MANBA: variants seen among roughly 807,000 people sequenced by gnomAD.
MANBA encodes mannosidase beta.
A neutral mutation model predicts 111.1 loss-of-function variants in MANBA; 83 were observed. That is an observed-to-expected ratio of 0.75 (90% CI 0.63 to 0.90). MANBA has a LOEUF of 0.90. MANBA is among the 40% of genes least tolerant of loss of function. The probability of loss-of-function intolerance (pLI) is 0.00; values close to 1 mark genes in which losing one functional copy is unlikely to be tolerated. For missense variants in MANBA, 1,036 were observed against 1,069.0 expected (o/e 0.97, Z 0.43); for synonymous variants, 370 against 378.7 (o/e 0.98, Z 0.27).
intron 7 of MANBA, among the ~76,000 whole-genome samples, chr4:102,674,933 G>T (rs1187164957): frequency 1.3e-5 from 2 of 152,170 alleles, no homozygotes; most frequent in Non-Finnish European, 2.9e-5. Context: ...TGTAATAAAA[G>T]TGTCCACCAT....
intron 7 of MANBA, among the ~76,000 whole-genome samples, chr4:102,685,105 T>C (rs1022531206): frequency 6.6e-6 from 1 of 152,074 alleles, no homozygotes; most frequent in Non-Finnish European, 1.5e-5. Flanking sequence ...GATGTCAGGA[T>C]AGTGGATCTT....
chr4:102,686,148 G>A (rs770853607), intron 7 of MANBA, among the ~76,000 whole-genome samples: 7 of 152,114 alleles, frequency 4.6e-5, no homozygotes, highest in East Asian at 3.9e-4. Flanking sequence ...CTTCCCAGGC[G>A]CTCTGAGAAA....
At chr4:102,751,115 T>C (rs1262039756) in intron 1 of MANBA, among the ~76,000 whole-genome samples, 1 of 152,212 alleles carries the variant, frequency 6.6e-6, no homozygotes, top group African/African-American at 2.4e-5. Flanking sequence ...GCTTATTTGC[T>C]ACTTAAAGAA....
At chr4:102,646,158 C>A (rs1730092392) in intron 13 of MANBA, among the ~76,000 whole-genome samples, 1 of 152,074 alleles carries the variant, frequency 6.6e-6, no homozygotes, top group African/African-American at 2.4e-5. Context: ...ACCAGGCAGG[C>A]ATTTAGTAGA....
intron 5 of MANBA, among the ~76,000 whole-genome samples, chr4:102,709,306 G>A (rs1472718118): frequency 9.6e-6 from 1 of 103,960 alleles, no homozygotes; most frequent in African/African-American, 4.8e-5. Context: ...AAGGAAGGAA[G>A]GAAGGAAGAA....
intron 9 of MANBA, 160 bp downstream of exon 9, chr4:102,671,116 GATCAC>G: frequency 3.5e-6 from 2 of 574,738 alleles, no homozygotes; most frequent in African/African-American, 3.8e-5. Context: ...TATGGTAGTT[GATCAC>G]CTATGGCTCT....
chr4:102,699,156 T>C (rs905197452), intron 5 of MANBA, among the ~76,000 whole-genome samples: 4 of 152,174 alleles, frequency 2.6e-5, no homozygotes, highest in African/African-American at 9.7e-5. Context: ...TGGCCCTCTG[T>C]TTGTCTGTTA....
Position 102,760,930 on chromosome 4 carries a change from G to A in MANBA, c.-36C>T. ...CGCGCCACCGAGATGTGGAGAGATC[G>A]AAAGGCAGCGCTGCAAGGGACCGGC... On this transcript the variant is annotated 5_prime_UTR_variant, in exon 1 of 17. Transcript: ENST00000647097. 2.0e-6 allele frequency: 3 copies of A among 1,536,902 alleles called. No individual in the cohort carries two copies. Among genetic ancestry groups the A allele is most frequent in the Non-Finnish European group, 8.7e-7 (1 of 1,144,320 alleles).
intron 7 of MANBA, chr4:102,679,543 A>G (rs1488476488): frequency 6.6e-6 from 1 of 152,094 alleles, no homozygotes; most frequent in Non-Finnish European, 1.5e-5. Flanking sequence ...AATTATAAAC[A>G]AAGGGAATAA....
At chr4:102,702,444 A>G (rs1041383801) in intron 5 of MANBA, among the ~76,000 whole-genome samples, 18 of 152,116 alleles carry the variant, frequency 1.2e-4, no homozygotes, top group African/African-American at 4.3e-4. Context: ...TGCTTTTTAG[A>G]GTTTCCAGTT....
chr4:102,734,481 A>C (rs1320074930), intron 1 of MANBA: 2 of 1,604,728 alleles, frequency 1.2e-6, no homozygotes, highest in East Asian at 4.5e-5. Context: ...GGCCATCATC[A>C]TACCCATTCC....
At chr4:102,708,926 A>C (rs930684008) in intron 5 of MANBA, among the ~76,000 whole-genome samples, 1 of 152,024 alleles carries the variant, frequency 6.6e-6, no homozygotes, top group Non-Finnish European at 1.5e-5. Context: ...AACACAACAG[A>C]TCACCAGAGA....
intron 5 of MANBA, among the ~76,000 whole-genome samples, chr4:102,700,465 G>A (rs1243258697): frequency 6.6e-6 from 1 of 151,700 alleles, no homozygotes; most frequent in African/African-American, 2.4e-5. Flanking sequence ...TGTCAATTTT[G>A]GATCTTTCCT....
chr4:102,689,652 TC>T lies in MANBA; in HGVS notation c.881del (p.Gly294AspfsTer10). The T allele has an allele frequency of 6.2e-7, 1 of 1,609,170 alleles. No individual in the cohort carries two copies. Among genetic ancestry groups the T allele is most frequent in the Non-Finnish European group, 8.5e-7 (1 of 1,175,780 alleles). On this transcript the variant is annotated frameshift_variant, in exon 7 of 17. Transcript: ENST00000647097. LOFTEE classifies it high-confidence loss of function. ...NITVETWWPHGHGNQTGYNMT... is the reference protein window; with the variant it reads ...NITVETWWPHXHGNQTGYNMT... ...TGTTGTACCCAGTCTGGTTTCCATG[TC>T]CATGAGGCCACCAAGTTTCTACAGT... is the stretch of plus-strand genomic sequence containing the variant.
chr4:102,730,462 G>A, intron 1 of MANBA: 1 of 510,584 alleles, frequency 2.0e-6, no homozygotes, highest in Non-Finnish European at 3.8e-6. Flanking sequence ...AGGGTCAGCT[G>A]CACTGCGGGG....
Position 102,657,890 on chromosome 4 carries a change from C to A in MANBA, c.1496G>T (p.Ser499Ile). 1 of 1,605,644 alleles carries A rather than the reference C, an allele frequency of 6.2e-7. No homozygotes were observed. Among genetic ancestry groups the A allele is most frequent in the East Asian group, 2.2e-5 (1 of 44,846 alleles). Reference protein sequence around the residue: ...IRELVLAGDKSRPFITSSPTN... With the variant: ...IRELVLAGDKIRPFITSSPTN... The stretch of plus-strand genomic sequence containing the variant: ...AGGACTGGACGTAATAAAAGGACGA[C>A]TCTTGTCTCCCTGAGTTCAGAAATA... The change falls in exon 12 of 17, where the codon AGT becomes ATT. Residue 499 changes from serine to isoleucine, a missense_variant. By Grantham distance (142) the Ser-to-Ile change is moderately radical (BLOSUM62 -2). Transcript: ENST00000647097.
At chr4:102,701,855 G>A (rs1299773077) in intron 5 of MANBA, among the ~76,000 whole-genome samples, 7 of 151,320 alleles carry the variant, frequency 4.6e-5, no homozygotes, top group African/African-American at 1.5e-4. Flanking sequence ...TGCTCTTCTC[G>A]AGGAGTATCT....
chr4:102,706,928 G>C (rs538687001), intron 5 of MANBA, among the ~76,000 whole-genome samples: 10 of 152,138 alleles, frequency 6.6e-5, no homozygotes, highest in Admixed American at 4.6e-4. Flanking sequence ...CATGACATAT[G>C]GAATACCATA....
chr4:102,723,969 T>TG lies in MANBA; in HGVS notation c.273-3_273-2insC. On this transcript the variant is annotated splice_polypyrimidine_tract_variant and splice_region_variant and intron_variant, in intron 2 of 16. Coordinates refer to ENST00000647097, the MANE Select transcript of MANBA (RefSeq NM_005908.4). Reference sequence around the variant, plus strand: ...ATCAAATTTACTTTTTGCCATTTGCTAAAAAAAAGAAAAGATTTTTAAAAC... The same window carrying TG: ...ATCAAATTTACTTTTTGCCATTTGCTGAAAAAAAAGAAAAGATTTTTAAAAC... 6.4e-7 allele frequency: 1 copy of TG among 1,558,846 alleles called. No homozygotes were observed. The highest frequency in any genetic ancestry group is 1.7e-5 in the Admixed American group (1 of 59,332).
Sources: allele counts gnomAD v4.1 joint callset (sites outside exome capture counted in the v4.1 genomes callset), GRCh38; gene constraint gnomAD v4.1.1; transcripts MANE v1.5; gene names NCBI Gene and HGNC (gene_info 2026-07-23, HGNC 2026-07-21).